The following ADAM9 variants were observed in gnomAD, a reference collection of about 807,000 sequenced individuals.
The protein encoded by ADAM9 is ADAM metallopeptidase domain 9.
A neutral mutation model predicts 108.1 loss-of-function variants in ADAM9; 54 were observed. The ratio of observed to expected loss-of-function variants is 0.50; its 90% confidence interval spans 0.40 to 0.63. The LOEUF is 0.63. Ranked by LOEUF, ADAM9 falls within the 20% of genes least tolerant of loss-of-function variation. The pLI is 0.00. For synonymous variants in ADAM9, 316 were observed against 336.0 expected (o/e 0.94, Z 0.65); for missense variants, 830 against 997.7 (o/e 0.83, Z 2.26).
At chr8:39,046,160 TA>T (rs1295290876) in intron 12 of ADAM9, among the ~76,000 whole-genome samples, 6 of 152,126 alleles carry the variant, frequency 3.9e-5, no homozygotes, top group Admixed American at 3.9e-4. Flanking sequence ...CAATGTTTTG[TA>T]AGTTTTTAGT....
rs58115667 is a variant in ADAM9 at position 39,050,830 on chromosome 8, GTT to G, written c.1303-3627_1303-3626del. 6.6e-3 allele frequency among the ~76,000 whole-genome samples: 560 copies of G among 85,226 alleles called. 4 individuals carry two copies. Among genetic ancestry groups the G allele is most frequent in the South Asian group, 0.042 (90 of 2,166 alleles). The allele number at this position is 85,226 out of a possible 152,430, so 55.9% of individuals were successfully genotyped here. A position where few individuals can be genotyped will look rare whatever the true frequency, so the allele number is the denominator to read the frequency against. On this transcript the variant is annotated intron_variant, in intron 12 of 21. Coordinates refer to ENST00000487273, the MANE Select transcript of ADAM9 (RefSeq NM_003816.3). ...TCTTTCCAGGGAAAAGCTTGGAAGT[GTT>G]TTTTTTTTTTTTTTTTTTTTTTTAA...
chr8:39,067,715 T>G (rs1005762034), intron 14 of ADAM9, among the ~76,000 whole-genome samples: 1 of 152,206 alleles, frequency 6.6e-6, no homozygotes, highest in Non-Finnish European at 1.5e-5. Context: ...CTTCCTCTTT[T>G]CCTAATTGAA....
At chr8:39,001,671 G>GTTT (rs1020330184) in intron 1 of ADAM9, among the ~76,000 whole-genome samples, 3 of 144,624 alleles carry the variant, frequency 2.1e-5, no homozygotes, top group East Asian at 2.0e-4. Context: ...TTTGAAGGTA[G>GTTT]TTTTTTTTTT....
At chr8:39,026,929 A>T in intron 11 of ADAM9, 119 bp downstream of exon 11, 1 of 1,364,030 alleles carries the variant, frequency 7.3e-7, no homozygotes, top group Non-Finnish European at 1.0e-6. Context: ...GGTTTGCTGA[A>T]ATTAATTGCA....
chr8:39,085,458 A>G (rs1839154611), intron 18 of ADAM9, among the ~76,000 whole-genome samples: 1 of 152,138 alleles, frequency 6.6e-6, no homozygotes, highest in African/African-American at 2.4e-5. Context: ...TTGCATTTCA[A>G]TCTGATTTAA....
chr8:39,055,078 T>C (rs1838076380), intron 13 of ADAM9, among the ~76,000 whole-genome samples: 1 of 152,182 alleles, frequency 6.6e-6, no homozygotes, highest in South Asian at 2.1e-4. Context: ...ATTTAAGTAA[T>C]ATTACTTGTA....
rs748664146 is a variant in ADAM9 at position 39,016,129 on chromosome 8, T to C, written c.345T>C (p.His115=). Residue 115 remains histidine, a synonymous_variant, in exon 5 of 22, where the codon CAT becomes CAC. Coordinates refer to ENST00000487273, the MANE Select transcript of ADAM9 (RefSeq NM_003816.3). ...TDHPNIQNHC[H]YRGYVEGVHN... is the part of the protein sequence containing the mutation. ...TATTTTTCATTTAGAATCATTGTCA[T>C]TATCGGGGCTATGTGGAGGGAGTTC... 4.3e-6 allele frequency: 7 copies of C among 1,613,624 alleles called. No individual in the cohort carries two copies. The highest frequency in any genetic ancestry group is 1.3e-5 in the African/African-American group (1 of 74,922).
chr8:39,077,473 TAGTA>T, intron 16 of ADAM9, 62 bp downstream of exon 16: 2 of 1,423,568 alleles, frequency 1.4e-6, no homozygotes, highest in East Asian at 2.5e-5. Flanking sequence ...TTATTATACA[TAGTA>T]AGTGGTTGCT....
chr8:38,999,553 A>T (rs1835933556), intron 1 of ADAM9, among the ~76,000 whole-genome samples: 1 of 152,138 alleles, frequency 6.6e-6, no homozygotes, highest in African/African-American at 2.4e-5. Context: ...GTCCATACTA[A>T]TCTCGTTTTC....
intron 18 of ADAM9, among the ~76,000 whole-genome samples, chr8:39,087,476 A>T (rs900231897): frequency 2.0e-5 from 3 of 152,164 alleles, no homozygotes; most frequent in Non-Finnish European, 2.9e-5. Context: ...TTTTCTAATT[A>T]TTTGACATTT....
intron 8 of ADAM9, among the ~76,000 whole-genome samples, chr8:39,022,315 C>T (rs1182543538): frequency 1.3e-5 from 2 of 152,140 alleles, no homozygotes; most frequent in Non-Finnish European, 2.9e-5. Context: ...TTTATTAACC[C>T]ATTTACTCCT....
chr8:39,071,254 T>A, intron 14 of ADAM9, 44 bp from the exon 15 acceptor site: 1 of 1,574,844 alleles, frequency 6.3e-7, no homozygotes, highest in Non-Finnish European at 8.7e-7. Flanking sequence ...AAAGCTAAAT[T>A]GCCATAACTT....
rs1255532208 is a variant in ADAM9 at position 39,045,371 on chromosome 8, TAC to T, written c.1302+3256_1302+3257del. ...GTGTGTACATACATATAGGTGTGTG[TAC>T]ATACACCTATAGGTGTGTGTACACA... On this transcript the variant is annotated intron_variant, in intron 12 of 21. Coordinates refer to ENST00000487273, the MANE Select transcript of ADAM9 (RefSeq NM_003816.3). Among the ~76,000 whole-genome samples, 19 of 73,818 alleles carry T rather than the reference TAC, an allele frequency of 2.6e-4. 1 individual carries two copies. The highest frequency in any genetic ancestry group is 4.4e-4 in the South Asian group (1 of 2,294). 48.4% of individuals were successfully genotyped at this position (73,818 alleles called of 152,430 possible).
chr8:39,062,514 C>T (rs934479000), intron 14 of ADAM9, among the ~76,000 whole-genome samples: 12 of 152,182 alleles, frequency 7.9e-5, no homozygotes, highest in African/African-American at 2.4e-4. Context: ...TAGCCAATGC[C>T]GTAAGTTTTT....
intron 15 of ADAM9, among the ~76,000 whole-genome samples, chr8:39,076,704 A>G (rs1838859592): frequency 6.6e-6 from 1 of 152,230 alleles, no homozygotes; most frequent in African/African-American, 2.4e-5. Context: ...GCCTTCATAG[A>G]GTTCTGATAT....
intron 11 of ADAM9, among the ~76,000 whole-genome samples, chr8:39,031,875 CTGTT>C (rs1837104865): frequency 6.6e-6 from 1 of 152,202 alleles, no homozygotes; most frequent in Admixed American, 6.5e-5. Context: ...CTATTCCTTT[CTGTT>C]TGTTGGTTTT....
intron 11 of ADAM9, 112 bp from the exon 12 acceptor site, chr8:39,041,834 C>A: frequency 1.0e-6 from 1 of 966,526 alleles, no homozygotes; most frequent in Non-Finnish European, 1.6e-6. Context: ...CTTTTATTAG[C>A]TTCTTTTCTG....
chr8:39,074,757 T>C (rs1214799836), intron 15 of ADAM9, among the ~76,000 whole-genome samples: 1 of 152,102 alleles, frequency 6.6e-6, no homozygotes, highest in Non-Finnish European at 1.5e-5. Context: ...TTAGACTGAT[T>C]TTTTTTCTTT....
rs1326388254 is a variant in ADAM9 at position 39,021,552 on chromosome 8, A to G, written c.673-91A>G. ...ACCCGCCTGGGCCTCTCAAAATGCT[A>G]GAATTACAGGCATGAGGTACTGCAC... On this transcript the variant is annotated intron_variant, in intron 7 of 21. Coordinates refer to ENST00000487273, the MANE Select transcript of ADAM9 (RefSeq NM_003816.3). 1.5e-5 allele frequency: 17 copies of G among 1,171,378 alleles called. No individual in the cohort carries two copies. The East Asian group carries it at 3.1e-4, about 21-fold the overall frequency. The allele number at this position is 1,171,378 out of a possible 1,614,324, so 72.6% of individuals were successfully genotyped here.
Sources: allele counts gnomAD v4.1 joint callset (sites outside exome capture counted in the v4.1 genomes callset), GRCh38; gene constraint gnomAD v4.1.1; transcripts MANE v1.5; gene names NCBI Gene and HGNC (gene_info 2026-07-23, HGNC 2026-07-21).